Variants in MALRD1 observed in about 807,000 individuals in gnomAD.
MALRD1 encodes MAM and LDL receptor class A domain containing 1, also known as MAM and LDL-receptor class A domain-containing protein 1.
Under a neutral mutation model 242.1 loss-of-function variants are expected in MALRD1, and 247 were observed. The ratio of observed to expected loss-of-function variants is 1.02; its 90% CI spans 0.92 to 1.13. The LOEUF is 1.13. Among genes scored for constraint, MALRD1 ranks in the 50% most tolerant of loss-of-function variants. The pLI is 0.00. For missense variants in MALRD1, 2,989 were observed against 2,533.1 expected (o/e 1.18, Z -3.86); for synonymous variants, 995 against 866.6 (o/e 1.15, Z -2.60).
At chr10:19,599,774 A>G (rs1346160909) in intron 34 of MALRD1, among the ~76,000 whole-genome samples, 5 of 152,086 alleles carry the variant, frequency 3.3e-5, no homozygotes, top group Non-Finnish European at 5.9e-5. Context: ...CTGAGCCTAG[A>G]GTGAGAAGGG....
intron 24 of MALRD1, among the ~76,000 whole-genome samples, chr10:19,333,300 T>G (rs1306818426): frequency 6.6e-6 from 1 of 152,080 alleles, no homozygotes; most frequent in African/African-American, 2.4e-5. Context: ...CTCCTCTCCT[T>G]CTCTTCACTC....
intron 28 of MALRD1, among the ~76,000 whole-genome samples, chr10:19,402,370 A>T (rs966941049): frequency 5.3e-5 from 8 of 152,104 alleles, no homozygotes; most frequent in African/African-American, 1.9e-4. Context: ...GAGATCATTG[A>T]ATCACGGGGG....
chr10:19,383,513 A>G (rs1248971444), intron 26 of MALRD1, among the ~76,000 whole-genome samples: 1 of 152,012 alleles, frequency 6.6e-6, no homozygotes, highest in East Asian at 1.9e-4. Flanking sequence ...ATGATCATGA[A>G]TGTGTATGTG....
chr10:19,512,770 C>G (rs750693432), intron 31 of MALRD1, among the ~76,000 whole-genome samples: 1 of 152,060 alleles, frequency 6.6e-6, no homozygotes, highest in South Asian at 2.1e-4. Flanking sequence ...ATTTGACAAA[C>G]CAAAAAATGC....
intron 22 of MALRD1, among the ~76,000 whole-genome samples, chr10:19,326,861 G>A (rs954193): frequency 0.64 from 96,582 of 151,904 alleles, 31,034 homozygotes; most frequent in African/African-American, 0.71. Context: ...TTAATACACT[G>A]TGTAAGTCAG....
intron 31 of MALRD1, among the ~76,000 whole-genome samples, chr10:19,524,902 C>CTAT (rs3045382): frequency 0.35 from 53,164 of 149,888 alleles, 10,735 homozygotes; most frequent in African/African-American, 0.56. Flanking sequence ...AATTTTATTA[C>CTAT]TATTATTATT....
chr10:19,450,546 AT>A, intron 29 of MALRD1, 56 bp downstream of exon 29: 1 of 1,425,352 alleles, frequency 7.0e-7, no homozygotes, highest in South Asian at 1.4e-5. Flanking sequence ...TAGCCATTTT[AT>A]TTTTGTTACA....
At chr10:19,649,249 A>T (rs1029421888) in intron 36 of MALRD1, among the ~76,000 whole-genome samples, 8 of 152,266 alleles carry the variant, frequency 5.3e-5, no homozygotes, top group African/African-American at 1.7e-4. Context: ...CTGGGTATAC[A>T]CCCAGTAATG....
At chr10:19,332,177 GT>G (rs752668636) in intron 24 of MALRD1, among the ~76,000 whole-genome samples, 18 of 146,510 alleles carry the variant, frequency 1.2e-4, no homozygotes, top group South Asian at 4.3e-4. Context: ...AATAAATGTT[GT>G]TTTTTTTTTT....
intron 13 of MALRD1, among the ~76,000 whole-genome samples, chr10:19,167,310 C>T (rs117842394): frequency 6.6e-6 from 1 of 152,028 alleles, no homozygotes; most frequent in Admixed American, 6.6e-5. Flanking sequence ...AGTGAGCTGA[C>T]ATGGCGCCAC....
At chr10:19,492,445 C>G (rs549038852) in intron 30 of MALRD1, among the ~76,000 whole-genome samples, 1 of 152,254 alleles carries the variant, frequency 6.6e-6, no homozygotes, top group Non-Finnish European at 1.5e-5. Context: ...CAGTTTGTCT[C>G]TGATGGCCTG....
intron 26 of MALRD1, among the ~76,000 whole-genome samples, chr10:19,361,983 A>G (rs911879180): frequency 1.6e-4 from 24 of 152,032 alleles, no homozygotes; most frequent in Non-Finnish European, 1.6e-4. Flanking sequence ...TACTTATAGG[A>G]CCCTTCCAGG....
At chr10:19,659,327 G>A (rs11815338) in intron 36 of MALRD1, among the ~76,000 whole-genome samples, 16,401 of 152,082 alleles carry the variant, frequency 0.11, 2,245 homozygotes, top group African/African-American at 0.32. Flanking sequence ...CAATAGTCCT[G>A]GGAGATGGGT....
chr10:19,611,218 C>T (rs942480531), intron 35 of MALRD1, among the ~76,000 whole-genome samples: 1 of 151,928 alleles, frequency 6.6e-6, no homozygotes, highest in African/African-American at 2.4e-5. Flanking sequence ...GTACCTAGCT[C>T]AAAGTCCCAT....
chr10:19,637,823 A>G (rs1367105593), intron 36 of MALRD1, among the ~76,000 whole-genome samples: 4 of 152,028 alleles, frequency 2.6e-5, no homozygotes, highest in Non-Finnish European at 4.4e-5. Flanking sequence ...TCGGTAAGCC[A>G]GATACGGTGG....
intron 18 of MALRD1, among the ~76,000 whole-genome samples, chr10:19,219,386 A>G (rs2131659904): frequency 6.6e-6 from 1 of 152,290 alleles, no homozygotes; most frequent in South Asian, 2.1e-4. Context: ...AATAGTTTAT[A>G]TAAGAAAGAG....
chr10:19,203,445 A>G (rs188437029), intron 14 of MALRD1, among the ~76,000 whole-genome samples: 1 of 152,320 alleles, frequency 6.6e-6, no homozygotes, highest in Admixed American at 6.5e-5. Context: ...ATACCTTGGC[A>G]ATTCTATAAG....
intron 21 of MALRD1, among the ~76,000 whole-genome samples, chr10:19,308,676 C>T (rs963319011): frequency 3.3e-5 from 5 of 151,496 alleles, no homozygotes; most frequent in African/African-American, 7.3e-5. Context: ...TATACCTGGC[C>T]GTACTTGTCC....
At chr10:19,524,196 G>C (rs1356589238) in intron 31 of MALRD1, among the ~76,000 whole-genome samples, 1 of 152,162 alleles carries the variant, frequency 6.6e-6, no homozygotes. Flanking sequence ...GCAGATGTGA[G>C]CTGGGTGCAG....
Sources: allele counts gnomAD v4.1 joint callset (sites outside exome capture counted in the v4.1 genomes callset), GRCh38; gene constraint gnomAD v4.1.1; transcripts MANE v1.5; gene names NCBI Gene and HGNC (gene_info 2026-07-23, HGNC 2026-07-21).